Variants in INPP5B observed in about 807,000 individuals in gnomAD.
The protein encoded by INPP5B is type II inositol 1,4,5-trisphosphate 5-phosphatase.
INPP5B carries 90 observed loss-of-function variants against 118.5 expected under a neutral mutation model. That is an observed-to-expected ratio of 0.76 (90% CI 0.64 to 0.90). The LOEUF (loss-of-function observed/expected upper bound fraction) is 0.90, where lower values mean the gene tolerates loss of function less well. INPP5B is among the 40% of genes least tolerant of loss of function. The pLI is 0.00. For synonymous variants in INPP5B, 385 were observed against 418.9 expected, an observed-to-expected ratio of 0.92 and a Z score of 0.99; for missense variants, 984 against 1,125.6, an observed-to-expected ratio of 0.87 and a Z score of 1.80.
At chr1:37,899,267 T>G (rs901434023) in intron 7 of INPP5B, among the ~76,000 whole-genome samples, 1 of 151,500 alleles carries the variant, frequency 6.6e-6, no homozygotes, top group South Asian at 2.1e-4. Context: ...GGGTCCTGAT[T>G]AACAATTCTG....
At chr1:37,932,110 A>G in intron 6 of INPP5B, 57 bp from the exon 7 acceptor site, 2 of 1,484,002 alleles carry the variant, frequency 1.3e-6, no homozygotes, top group Non-Finnish European at 8.9e-7. Context: ...CCGGCTCTGC[A>G]TGATTGTATT....
intron 6 of INPP5B, among the ~76,000 whole-genome samples, chr1:37,937,732 A>T (rs1003305967): frequency 6.6e-6 from 1 of 151,970 alleles, no homozygotes; most frequent in Non-Finnish European, 1.5e-5. Flanking sequence ...GCACCACTGC[A>T]CTCCAGCCTG....
intron 7 of INPP5B, among the ~76,000 whole-genome samples, chr1:37,903,280 A>C (rs1334580970): frequency 1.3e-5 from 2 of 152,186 alleles, no homozygotes; most frequent in Non-Finnish European, 2.9e-5. Context: ...CAAGATGGCC[A>C]CGAGAATGAC....
intron 13 of INPP5B, chr1:37,884,458 T>A (rs1226778660): frequency 6.6e-6 from 1 of 152,028 alleles, no homozygotes; most frequent in Non-Finnish European, 1.5e-5. Context: ...AATTTTTAAA[T>A]TTTTTTCAGA....
intron 12 of INPP5B, 22 bp downstream of exon 12, chr1:37,886,866 A>G: frequency 6.2e-7 from 1 of 1,600,778 alleles, no homozygotes; most frequent in Non-Finnish European, 8.6e-7. Context: ...CAATGTGCCA[A>G]ACAAACCAAC....
At chr1:37,891,094 C>T (rs1279944161) in intron 8 of INPP5B, among the ~76,000 whole-genome samples, 2 of 151,742 alleles carry the variant, frequency 1.3e-5, no homozygotes, top group African/African-American at 4.8e-5. Context: ...GGTGTGGTGG[C>T]ACATTCCTGT....
intron 7 of INPP5B, among the ~76,000 whole-genome samples, chr1:37,899,795 G>C (rs1644261696): frequency 6.6e-6 from 1 of 151,054 alleles, no homozygotes; most frequent in Admixed American, 6.6e-5. Context: ...GCTCACTGAA[G>C]CTTCGCCTGC....
chr1:37,941,958 A>AAAAAAAAAATATATATATATATAT (rs1427344681), intron 5 of INPP5B: 6 of 30,366 alleles, frequency 2.0e-4, no homozygotes, highest in African/African-American at 9.0e-4. Context: ...AAAAAAAAAA[A>AAAAAAAAAATATATATATATATAT]ATATATATAT....
chr1:37,887,520 CA>C, intron 10 of INPP5B, 55 bp from the exon 11 acceptor site: 1 of 1,053,014 alleles, frequency 9.5e-7, no homozygotes, highest in Non-Finnish European at 1.5e-6. Flanking sequence ...GCAAATGACA[CA>C]TTCTCAGATT....
chr1:37,945,604 AAT>A lies in INPP5B; in HGVS notation c.152+150_152+151del, dbSNP rs1473749334. ...GAGTTAGTACGTGTGCAGGGTTTAA[AAT>A]ATAGTGTTCAAAAAATATTAACTAT... is the stretch of plus-strand genomic sequence containing the variant. On this transcript the variant is annotated intron_variant, in intron 3 of 23. Transcript: ENST00000373024. 8 of 606,484 alleles carry A rather than the reference AAT, an allele frequency of 1.3e-5. No individual in the cohort carries two copies. The East Asian group carries it at 2.2e-4, about 17-fold the overall frequency. The allele number at this position is 606,484 out of a possible 1,614,324, so 37.6% of individuals were successfully genotyped here.
At chr1:37,863,816 CTTT>C (rs1250313560) in intron 23 of INPP5B, among the ~76,000 whole-genome samples, 3 of 137,760 alleles carry the variant, frequency 2.2e-5, no homozygotes, top group African/African-American at 2.6e-5. Flanking sequence ...CATGACTATA[CTTT>C]TTTTTTTTTT....
chr1:37,945,637 T>G, intron 3 of INPP5B, 119 bp downstream of exon 3: 1 of 678,306 alleles, frequency 1.5e-6, no homozygotes, highest in Non-Finnish European at 2.6e-6. Context: ...ACTATCATTG[T>G]GATAATTATT....
chr1:37,903,144 C>T (rs892264257), intron 7 of INPP5B, among the ~76,000 whole-genome samples: 3 of 152,150 alleles, frequency 2.0e-5, no homozygotes, highest in Non-Finnish European at 4.4e-5. Flanking sequence ...TGCTGGGCTG[C>T]ATTCCCAGAG....
intron 17 of INPP5B, 31 bp downstream of exon 17, chr1:37,875,575 A>T (rs1180961559): frequency 6.4e-7 from 1 of 1,555,794 alleles, no homozygotes; most frequent in African/African-American, 1.4e-5. Flanking sequence ...GCCTGAGCCC[A>T]ATGCTAATAT....
intron 22 of INPP5B, 27 bp downstream of exon 22, chr1:37,865,734 C>T (rs2148444461): frequency 6.2e-7 from 1 of 1,609,664 alleles, no homozygotes; most frequent in Middle Eastern, 1.7e-4. Context: ...TGGGGCTAAC[C>T]ACATGCTGCT....
intron 6 of INPP5B, among the ~76,000 whole-genome samples, chr1:37,935,600 C>T (rs1645656057): frequency 6.6e-6 from 1 of 152,074 alleles, no homozygotes; most frequent in African/African-American, 2.4e-5. Context: ...CAAGTCCATC[C>T]CTCCTTCCCC....
rs80164039 is a variant in INPP5B, at chr1:37,893,879, C to T, written c.533-2425G>A. ...AAAGATCCCGTCAGAAAGCAACTTCCCTCTTCTTCATTCTGCTTTATAAGG... is the reference window on the plus strand; with the variant it reads ...AAAGATCCCGTCAGAAAGCAACTTCTCTCTTCTTCATTCTGCTTTATAAGG... On this transcript the variant is annotated intron_variant, in intron 7 of 23. Transcript: ENST00000373024. 3.5e-3 allele frequency among the ~76,000 whole-genome samples: 527 copies of T among 152,270 alleles called. 3 individuals carry two copies. Among genetic ancestry groups the T allele is most frequent in the African/African-American group, 0.012 (504 of 41,550 alleles).
In INPP5B at chr1:37,937,543, G is replaced by A. The variant is rs143331996; in HGVS notation, c.391+3145C>T. Among the ~76,000 whole-genome samples the A allele has an allele frequency of 8.6e-3, 1,312 of 151,896 alleles. 21 individuals are homozygous for A. The highest frequency in any genetic ancestry group is 0.03 in the African/African-American group (1,250 of 41,442). On this transcript the variant is annotated intron_variant, in intron 6 of 23. Coordinates refer to ENST00000373024, the MANE Select transcript of INPP5B (RefSeq NM_005540.3). Reference sequence around the variant, plus strand: ...GCACTTTGGGAGGCCAAAGTGGGCGGATCACCTGAGGTCAGAAGTTCGAGA... The same window carrying A: ...GCACTTTGGGAGGCCAAAGTGGGCGAATCACCTGAGGTCAGAAGTTCGAGA...
At position 37,941,274 on chromosome 1, in the gene INPP5B, C is replaced by T. The variant is rs55674588; in HGVS notation, c.281-476G>A. On this transcript the variant is annotated intron_variant, in intron 5 of 23. Transcript: ENST00000373024. ...AGGCTTCCCTATTCATAGCATATAC[C>T]CAATACCGGGCACATGGTGAGCACT... 9.5e-3 allele frequency among the ~76,000 whole-genome samples: 1,450 copies of T among 152,164 alleles called. 7 individuals carry two copies. The highest frequency in any genetic ancestry group is 0.016 in the Admixed American group (249 of 15,256).
Sources: gnomAD v4.1 joint callset for allele counts (sites outside exome capture counted in the v4.1 genomes callset) on GRCh38, gnomAD v4.1.1 for gene constraint, MANE v1.5 for transcripts, NCBI Gene and HGNC (gene_info 2026-07-23, HGNC 2026-07-21) for gene names.